FANCC: variants seen among roughly 807,000 people sequenced by gnomAD.
FANCC encodes the protein Fanconi anemia group C protein.
A neutral mutation model predicts 71.3 loss-of-function variants in FANCC; 55 were observed. That is an observed-to-expected ratio of 0.77 (90% confidence interval 0.62 to 0.97). The LOEUF (loss-of-function observed/expected upper bound fraction) is 0.97. Ranked by LOEUF, FANCC falls within the 50% of genes least tolerant of loss-of-function variation. The pLI is 0.00. For missense variants in FANCC, 678 were observed against 670.9 expected, an observed-to-expected ratio of 1.01 and a Z score of -0.12; for synonymous variants, 275 against 244.9, an observed-to-expected ratio of 1.12 and a Z score of -1.15.
At chr9:95,110,258 C>A (rs1001574886) in intron 13 of FANCC, 4 of 1,008,682 alleles carry the variant, frequency 4.0e-6, no homozygotes, top group Non-Finnish European at 4.7e-6. Context: ...TTTCTTTATA[C>A]TTCAAAAGTG....
At chr9:95,157,786 C>A (rs2079782904) in intron 6 of FANCC, among the ~76,000 whole-genome samples, 1 of 152,108 alleles carries the variant, frequency 6.6e-6, no homozygotes, top group South Asian at 2.1e-4. Context: ...AGTTGGCCTG[C>A]CCAAATTTTG....
intron 4 of FANCC, among the ~76,000 whole-genome samples, chr9:95,203,019 G>A (rs547708320): frequency 6.6e-6 from 1 of 152,230 alleles, no homozygotes; most frequent in African/African-American, 2.4e-5. Context: ...AAGTAAAAGG[G>A]ATCATAACTC....
intron 4 of FANCC, among the ~76,000 whole-genome samples, chr9:95,230,233 G>A (rs769862645): frequency 8.5e-5 from 13 of 152,148 alleles, no homozygotes; most frequent in Admixed American, 1.3e-4. Context: ...CCAGGGTTCC[G>A]TGCGGTGTAG....
At chr9:95,118,741 T>C (rs959539583) in intron 10 of FANCC, among the ~76,000 whole-genome samples, 1 of 152,212 alleles carries the variant, frequency 6.6e-6, no homozygotes, top group African/African-American at 2.4e-5. Flanking sequence ...TGTGTGCGAG[T>C]AGATCATTCT....
At chr9:95,159,078 A>G (rs1830600776) in intron 6 of FANCC, among the ~76,000 whole-genome samples, 1 of 152,084 alleles carries the variant, frequency 6.6e-6, no homozygotes, top group South Asian at 2.1e-4. Flanking sequence ...ACACATGCAC[A>G]ACGTGCAGGT....
chr9:95,101,787 A>C lies in FANCC; in HGVS notation c.1597T>G (p.Trp533Gly), dbSNP rs730881728. 3 of 1,614,094 alleles carry C rather than the reference A, an allele frequency of 1.9e-6. No individual in the cohort carries two copies. Among genetic ancestry groups the C allele is most frequent in the Non-Finnish European group, 2.5e-6 (3 of 1,180,016 alleles). The change falls in exon 15 of 15, where the codon TGG becomes GGG. Residue 533 changes from tryptophan (W) to glycine (G), a missense_variant. Trp to Gly is a radical substitution (Grantham distance 184, BLOSUM62 -2). Transcript: ENST00000289081. ...GGGCTTTCAATGCCAAGACGATTCC[A>C]TCTGTACAAGGTCTGGTCAAGAAAG... ...IGFLDQTLYRWNRLGIESPRS... is the reference protein window; with the variant it reads ...IGFLDQTLYRGNRLGIESPRS...
At chr9:95,126,613 A>G in intron 8 of FANCC, 32 bp from the exon 9 acceptor site, 11 of 1,608,946 alleles carry the variant, frequency 6.8e-6, no homozygotes, top group Non-Finnish European at 9.4e-6. Flanking sequence ...AGAATGTGAA[A>G]TATCACAAGC....
chr9:95,237,492 T>G (rs964349773), intron 4 of FANCC, among the ~76,000 whole-genome samples: 4 of 152,254 alleles, frequency 2.6e-5, no homozygotes, highest in African/African-American at 9.6e-5. Flanking sequence ...CAAGTAGTGT[T>G]TCTTGATCCT....
chr9:95,159,602 C>T (rs189736913), intron 6 of FANCC, among the ~76,000 whole-genome samples: 16 of 152,324 alleles, frequency 1.1e-4, no homozygotes, highest in East Asian at 5.8e-4. Flanking sequence ...CTTGAGGAAT[C>T]GCCACACTGT....
chr9:95,299,960 T>C (rs1462464252), intron 1 of FANCC, among the ~76,000 whole-genome samples: 2 of 152,226 alleles, frequency 1.3e-5, no homozygotes, highest in Non-Finnish European at 2.9e-5. Context: ...TGACTGGCAA[T>C]GTATGTGTCA....
chr9:95,171,040 T>C (rs1825645171), intron 6 of FANCC, 39 bp downstream of exon 6: 1 of 1,542,044 alleles, frequency 6.5e-7, no homozygotes, highest in East Asian at 2.2e-5. Flanking sequence ...CTGATACATT[T>C]TGAAACCTGA....
intron 1 of FANCC, among the ~76,000 whole-genome samples, chr9:95,271,431 G>A (rs1338388842): frequency 6.7e-6 from 1 of 150,252 alleles, no homozygotes; most frequent in Non-Finnish European, 1.5e-5. Context: ...GACAGACACA[G>A]AGGAGGCAGC....
At chr9:95,125,885 G>A (rs1445726229) in intron 9 of FANCC, among the ~76,000 whole-genome samples, 1 of 152,170 alleles carries the variant, frequency 6.6e-6, no homozygotes, top group Non-Finnish European at 1.5e-5. Context: ...CTCCCCAGGG[G>A]CGTCCAGTCT....
intron 6 of FANCC, among the ~76,000 whole-genome samples, chr9:95,158,590 G>A (rs1830572192): frequency 1.3e-5 from 2 of 151,952 alleles, no homozygotes; most frequent in South Asian, 2.1e-4. Context: ...CAATTTATAG[G>A]AATTCATCAA....
chr9:95,289,399 C>T (rs1037865219), intron 1 of FANCC, among the ~76,000 whole-genome samples: 8 of 152,050 alleles, frequency 5.3e-5, no homozygotes, highest in African/African-American at 1.7e-4. Flanking sequence ...AAAAACCACA[C>T]AACTGAACCT....
chr9:95,317,371 C>G (rs1835827306), intron 1 of FANCC, 155 bp downstream of exon 1: 1 of 152,140 alleles, frequency 6.6e-6, no homozygotes, highest in Admixed American at 6.5e-5. Flanking sequence ...CGGCGGGAAC[C>G]CCTCTCGCCC....
At position 95,171,059 on chromosome 9, in the gene FANCC, A is replaced by G. The variant is rs747425683; in HGVS notation, c.521+20T>C. On this transcript the variant is annotated intron_variant, in intron 6 of 14. Transcript: ENST00000289081. ...TACATTTTGAAACCTGAGAAGAAGG[A>G]TGTTTAGTTTAACACCTACCGCCTT... is the stretch of plus-strand genomic sequence containing the variant. 8.2e-6 allele frequency: 13 copies of G among 1,594,030 alleles called. No individual in the cohort carries two copies. The highest frequency in any genetic ancestry group is 1.1e-5 in the Non-Finnish European group (13 of 1,162,006).
chr9:95,111,487 C>G lies in FANCC; in HGVS notation c.1305G>C (p.Gly435=), dbSNP rs765092951. The G allele has an allele frequency of 6.2e-7, 1 of 1,613,696 alleles. No homozygotes were observed. The highest frequency in any genetic ancestry group is 1.3e-5 in the African/African-American group (1 of 74,938). Residue 435 remains glycine, a synonymous_variant, in exon 13 of 15, where the codon GGG becomes GGC. Transcript: ENST00000289081. ...LLAFYYGPRD[G]RQQRAQTMVQ... is the part of the protein sequence containing the mutation. ...CCATAGTCTGTGCTCTCTGCTGCCTCCCATCACGGGGGCCGTAGTAGAAGG... is the reference window on the plus strand; with the variant it reads ...CCATAGTCTGTGCTCTCTGCTGCCTGCCATCACGGGGGCCGTAGTAGAAGG...
At chr9:95,235,681 C>A in intron 4 of FANCC, among the ~76,000 whole-genome samples, 1 of 151,838 alleles carries the variant, frequency 6.6e-6, no homozygotes, top group East Asian at 1.9e-4. Context: ...CCCATCTCTA[C>A]TAAAAATACA....
Sources: allele counts gnomAD v4.1 joint callset (sites outside exome capture counted in the v4.1 genomes callset), GRCh38; gene constraint gnomAD v4.1.1; transcripts MANE v1.5; gene names NCBI Gene and HGNC (gene_info 2026-07-23, HGNC 2026-07-21).